The following SLC25A21 variants were observed in gnomAD, a reference collection of about 807,000 sequenced individuals.
The protein encoded by SLC25A21 is mitochondrial 2-oxodicarboxylate carrier.
A neutral mutation model predicts 43.8 loss-of-function variants in SLC25A21; 47 were observed. The observed-to-expected ratio is 1.07, with a 90% confidence interval of 0.85 to 1.37. SLC25A21 has a LOEUF of 1.37. Among genes scored for constraint, SLC25A21 ranks in the 40% most tolerant of loss-of-function variants. SLC25A21 has a pLI of 0.00. For missense variants in SLC25A21, 352 were observed against 350.2 expected (o/e 1.00, Z -0.04); for synonymous variants, 131 against 121.3 (o/e 1.08, Z -0.52).
chr14:37,144,956 T>TTGC (rs764673028), intron 1 of SLC25A21, among the ~76,000 whole-genome samples: 1 of 128,824 alleles, frequency 7.8e-6, no homozygotes, highest in Non-Finnish European at 1.7e-5. Context: ...GTTGTTGTTG[T>TTGC]TTGTTTGTTT....
chr14:36,777,058 G>C (rs1014086757), intron 3 of SLC25A21, among the ~76,000 whole-genome samples: 1 of 152,168 alleles, frequency 6.6e-6, no homozygotes, highest in Non-Finnish European at 1.5e-5. Context: ...AGGAGATTGA[G>C]ACCATCCTGG....
chr14:36,747,457 T>C (rs1885543839), intron 3 of SLC25A21, among the ~76,000 whole-genome samples: 1 of 152,194 alleles, frequency 6.6e-6, no homozygotes. Context: ...ACATTGTTGT[T>C]AGTTGCCTGA....
chr14:36,905,182 C>T (rs1343433879), intron 1 of SLC25A21, among the ~76,000 whole-genome samples: 1 of 152,184 alleles, frequency 6.6e-6, no homozygotes, highest in Non-Finnish European at 1.5e-5. Context: ...TACCAAACTA[C>T]AATTTATGCT....
chr14:37,027,288 T>A (rs1333828015), intron 1 of SLC25A21, among the ~76,000 whole-genome samples: 1 of 152,188 alleles, frequency 6.6e-6, no homozygotes, highest in East Asian at 1.9e-4. Context: ...ATATTTGAAT[T>A]CAAATTTCCT....
At chr14:36,780,476 A>G (rs1289863175) in intron 3 of SLC25A21, among the ~76,000 whole-genome samples, 1 of 152,046 alleles carries the variant, frequency 6.6e-6, no homozygotes, top group Non-Finnish European at 1.5e-5. Flanking sequence ...ATTGCTATAA[A>G]ATTCCCTCTT....
At chr14:36,941,380 T>A (rs866147426) in intron 1 of SLC25A21, among the ~76,000 whole-genome samples, 8 of 152,140 alleles carry the variant, frequency 5.3e-5, no homozygotes, top group Non-Finnish European at 1.2e-4. Flanking sequence ...TTGACTTTTT[T>A]AAATATAGGA....
intron 1 of SLC25A21, among the ~76,000 whole-genome samples, chr14:37,163,808 C>A (rs1419779310): frequency 9.2e-5 from 14 of 152,040 alleles, no homozygotes; most frequent in Admixed American, 8.5e-4. Flanking sequence ...ATGTATAAAT[C>A]ATTTATACAG....
chr14:37,095,397 A>T (rs962882650), intron 1 of SLC25A21, among the ~76,000 whole-genome samples: 22 of 152,180 alleles, frequency 1.4e-4, no homozygotes, highest in Non-Finnish European at 2.6e-4. Flanking sequence ...ACATGCCTGT[A>T]AGCCCAGCTA....
At chr14:36,882,073 TCA>T (rs1415357884) in intron 1 of SLC25A21, among the ~76,000 whole-genome samples, 2 of 152,156 alleles carry the variant, frequency 1.3e-5, no homozygotes, top group Non-Finnish European at 2.9e-5. Context: ...TTACATTGTA[TCA>T]CATATATCAA....
chr14:36,849,360 C>T (rs568130372), intron 2 of SLC25A21, among the ~76,000 whole-genome samples: 3 of 152,144 alleles, frequency 2.0e-5, no homozygotes, highest in Non-Finnish European at 4.4e-5. Flanking sequence ...ATGAATTACA[C>T]GTTTGTGAAA....
At chr14:36,827,166 G>A (rs185708980) in intron 2 of SLC25A21, among the ~76,000 whole-genome samples, 6 of 152,142 alleles carry the variant, frequency 3.9e-5, no homozygotes, top group Non-Finnish European at 7.3e-5. Context: ...GGACTATGTG[G>A]TATGTGTCTG....
At chr14:36,966,575 C>G (rs1293728166) in intron 1 of SLC25A21, among the ~76,000 whole-genome samples, 2 of 151,802 alleles carry the variant, frequency 1.3e-5, no homozygotes, top group African/African-American at 4.8e-5. Context: ...TAGGAAATGT[C>G]ACTGCTTCTT....
chr14:36,776,220 C>G (rs1343521803), intron 3 of SLC25A21, among the ~76,000 whole-genome samples: 1 of 97,106 alleles, frequency 1.0e-5, no homozygotes, highest in Admixed American at 1.3e-4. Context: ...TTTCTTTTTT[C>G]TTTTTCTTTC....
At chr14:36,779,386 C>G (rs1266674425) in intron 3 of SLC25A21, among the ~76,000 whole-genome samples, 1 of 142,588 alleles carries the variant, frequency 7.0e-6, no homozygotes, top group Non-Finnish European at 1.5e-5. Flanking sequence ...TATACACACA[C>G]ATATATGTAA....
intron 1 of SLC25A21, among the ~76,000 whole-genome samples, chr14:37,033,129 G>A (rs192806758): frequency 1.3e-4 from 19 of 151,620 alleles, no homozygotes; most frequent in African/African-American, 3.6e-4. Context: ...ACAGCTCTCC[G>A]TTTCCTACTC....
At chr14:36,683,345 A>G (rs1882377208) in intron 9 of SLC25A21, among the ~76,000 whole-genome samples, 1 of 152,210 alleles carries the variant, frequency 6.6e-6, no homozygotes, top group African/African-American at 2.4e-5. Context: ...TTACGGTGTC[A>G]CCACTCCCCA....
At chr14:36,869,198 G>A (rs1890297010) in intron 2 of SLC25A21, among the ~76,000 whole-genome samples, 1 of 152,076 alleles carries the variant, frequency 6.6e-6, no homozygotes, top group African/African-American at 2.4e-5. Flanking sequence ...ATTACAACAG[G>A]ATCAGCTAAA....
chr14:36,724,287 T>C (rs965983172), intron 6 of SLC25A21, among the ~76,000 whole-genome samples: 1 of 152,154 alleles, frequency 6.6e-6, no homozygotes, highest in African/African-American at 2.4e-5. Flanking sequence ...CCCAACCCTG[T>C]CCCCTCAGGT....
chr14:36,760,826 T>G (rs1594562334), intron 3 of SLC25A21, among the ~76,000 whole-genome samples: 2 of 144,548 alleles, frequency 1.4e-5, no homozygotes, highest in African/African-American at 5.2e-5. Context: ...ACATCAAGGG[T>G]GGAGGGGGAA....
Sources: allele counts gnomAD v4.1 joint callset (sites outside exome capture counted in the v4.1 genomes callset), GRCh38; gene constraint gnomAD v4.1.1; transcripts MANE v1.5; gene names NCBI Gene and HGNC (gene_info 2026-07-23, HGNC 2026-07-21).